DMD: variants seen among roughly 807,000 people sequenced by gnomAD.
The protein encoded by DMD is dystrophin.
DMD carries 63 observed loss-of-function variants against 330.1 expected under a neutral mutation model. That is an observed-to-expected ratio of 0.19 (90% CI 0.16 to 0.24). DMD has a LOEUF of 0.24. Among genes scored for constraint, DMD ranks in the 10% least tolerant of loss-of-function variants. DMD has a pLI of 1.00. For synonymous variants in DMD, 1,223 were observed against 959.8 expected (o/e 1.27, Z -5.07); for missense variants, 3,344 against 2,684.1 (o/e 1.25, Z -5.43).
At chrX:31,499,897 GA>G (rs1224371174) in intron 56 of DMD, among the ~76,000 whole-genome samples, 1 of 112,260 alleles carries the variant, frequency 8.9e-6, no homozygotes, top group African/African-American at 3.2e-5. Context: ...TACAGCAGCA[GA>G]AGACGGACCT....
Position 32,766,237 on chromosome X carries a change from T to C in DMD, c.649+43256A>G, listed in dbSNP as rs188160394. Among the ~76,000 whole-genome samples, 17 of 111,665 alleles carry C rather than the reference T, an allele frequency of 1.5e-4. No homozygotes were observed. The East Asian group carries it at 3.7e-3, about 24-fold the overall frequency. On this transcript the variant is annotated intron_variant, in intron 7 of 78. Coordinates refer to ENST00000357033, the MANE Select transcript of DMD (RefSeq NM_004006.3). ...TTGTCTATTTCTGCAGAAAAACTAATTGGGATTTTCTTAGAGATGGCACTG... is the reference window on the plus strand; with the variant it reads ...TTGTCTATTTCTGCAGAAAAACTAACTGGGATTTTCTTAGAGATGGCACTG...
chrX:32,539,172 CTT>C (rs71980872), intron 17 of DMD, among the ~76,000 whole-genome samples: 1,631 of 95,341 alleles, frequency 0.017, 13 homozygotes, highest in African/African-American at 0.039. Flanking sequence ...ATTTCTATTT[CTT>C]TTTTTTTTTT....
intron 1 of DMD, among the ~76,000 whole-genome samples, chrX:33,273,888 A>T (rs2053197004): frequency 8.9e-6 from 1 of 112,406 alleles, no homozygotes; most frequent in South Asian, 3.6e-4. Flanking sequence ...AAGCAATATA[A>T]TAAGAAATAT....
chrX:31,553,580 T>C (rs1293883201), intron 55 of DMD, among the ~76,000 whole-genome samples: 1 of 112,588 alleles, frequency 8.9e-6, no homozygotes. Context: ...CCTTGTTTGT[T>C]TTAAATATGT....
At chrX:31,151,491 C>G (rs2037410442) in intron 74 of DMD, among the ~76,000 whole-genome samples, 1 of 112,176 alleles carries the variant, frequency 8.9e-6, no homozygotes, top group South Asian at 3.7e-4. Flanking sequence ...CTAGAGAGAT[C>G]TTCCTTGGTA....
chrX:32,753,188 TAC>T (rs962660905), intron 7 of DMD, among the ~76,000 whole-genome samples: 1 of 111,664 alleles, frequency 9.0e-6, no homozygotes, highest in Non-Finnish European at 1.9e-5. Flanking sequence ...TTCCTCCAGA[TAC>T]AGATTCCCTG....
At chrX:32,478,106 G>T (rs1441159036) in intron 21 of DMD, among the ~76,000 whole-genome samples, 1 of 111,445 alleles carries the variant, frequency 9.0e-6, no homozygotes, top group Non-Finnish European at 1.9e-5. Context: ...TTAGATAGAA[G>T]CTGGAAAAGG....
chrX:31,863,748 C>T (rs919720365), intron 48 of DMD, among the ~76,000 whole-genome samples: 1 of 111,005 alleles, frequency 9.0e-6, no homozygotes, highest in Non-Finnish European at 1.9e-5. Flanking sequence ...ATACTTAGAG[C>T]CTTGTAGTCA....
At chrX:32,258,292 G>A (rs1220985814) in intron 43 of DMD, among the ~76,000 whole-genome samples, 1 of 111,703 alleles carries the variant, frequency 9.0e-6, no homozygotes, top group African/African-American at 3.3e-5. Flanking sequence ...AATACCATTT[G>A]ACCCAGCAAT....
intron 6 of DMD, among the ~76,000 whole-genome samples, chrX:32,815,720 A>G (rs1603436523): frequency 9.1e-6 from 1 of 109,586 alleles, no homozygotes; most frequent in African/African-American, 3.3e-5. Context: ...TTTTCATCTT[A>G]AGAAATATAA....
intron 47 of DMD, among the ~76,000 whole-genome samples, chrX:31,879,213 G>GGGC: frequency 2.1e-5 from 2 of 94,619 alleles, no homozygotes; most frequent in Admixed American, 2.2e-4. Context: ...ACATGGCGGG[G>GGGC]GGGGGCCTCA....
At chrX:32,035,003 A>G (rs1250384329) in intron 44 of DMD, among the ~76,000 whole-genome samples, 1 of 111,759 alleles carries the variant, frequency 8.9e-6, no homozygotes, top group Non-Finnish European at 1.9e-5. Flanking sequence ...TTCAACAACT[A>G]TTTACTGACT....
intron 1 of DMD, among the ~76,000 whole-genome samples, chrX:33,167,375 G>A (rs974440949): frequency 1.8e-5 from 2 of 110,723 alleles, no homozygotes; most frequent in African/African-American, 6.5e-5. Context: ...TGCACTAAAT[G>A]GTACTGCTTC....
chrX:31,557,616 G>A, intron 55 of DMD, among the ~76,000 whole-genome samples: 1 of 112,133 alleles, frequency 8.9e-6, no homozygotes, highest in Middle Eastern at 4.6e-3. Flanking sequence ...CACTTAGCAA[G>A]TGCTCAATTA....
rs3044986 is a variant in DMD at position 32,357,660 on chromosome X, TACACACACACACACAC to T, written c.5325+5112_5325+5127del. Among the ~76,000 whole-genome samples, 40 of 94,863 alleles carry T rather than the reference TACACACACACACACAC, an allele frequency of 4.2e-4. No homozygotes were observed. In the South Asian group the frequency reaches 0.014, roughly 34 times the overall value. The allele number at this position is 94,863 out of a possible 115,157, so 82.4% of individuals were successfully genotyped here. A position where few individuals can be genotyped will look rare whatever the true frequency, so the allele number is the denominator to read the frequency against. ...AATTTCTCAACAGTGCATACACAGA[TACACACACACACACAC>T]ACACACACACACACACACACACAGA... On this transcript the variant is annotated intron_variant, in intron 37 of 78. Coordinates refer to ENST00000357033, the MANE Select transcript of DMD (RefSeq NM_004006.3).
intron 1 of DMD, among the ~76,000 whole-genome samples, chrX:33,327,524 C>T (rs1466872588): frequency 1.8e-5 from 2 of 110,815 alleles, no homozygotes; most frequent in African/African-American, 3.3e-5. Flanking sequence ...ATAAGAGTTC[C>T]GTATTTAGAA....
chrX:33,002,840 T>C (rs1280383003), intron 2 of DMD, among the ~76,000 whole-genome samples: 1 of 74,011 alleles, frequency 1.4e-5, no homozygotes, highest in Non-Finnish European at 2.3e-5. Context: ...ATGTGTGATA[T>C]TTTTTTCTCG....
Position 31,771,840 on chromosome X carries a change from T to TG in DMD, c.7542+2119dup, listed in dbSNP as rs775298133. 3.2e-3 allele frequency among the ~76,000 whole-genome samples: 357 copies of TG among 111,575 alleles called. 1 individual carries two copies. Among genetic ancestry groups the TG allele is most frequent in the African/African-American group, 0.011 (339 of 30,673 alleles). ...TTGACCTATATTTAAAGACGATCTCTGTGAGGGGGCATCAAATCAGTAGTC... is the reference window on the plus strand; with the variant it reads ...TTGACCTATATTTAAAGACGATCTCTGGTGAGGGGGCATCAAATCAGTAGTC... On this transcript the variant is annotated intron_variant, in intron 51 of 78. Transcript: ENST00000357033.
intron 55 of DMD, among the ~76,000 whole-genome samples, chrX:31,550,772 G>A (rs1184545304): frequency 8.9e-6 from 1 of 112,011 alleles, no homozygotes; most frequent in Non-Finnish European, 1.9e-5. Context: ...AAGTAACAAT[G>A]CCTCTGTCTG....
Sources: gnomAD v4.1 joint callset for allele counts (sites outside exome capture counted in the v4.1 genomes callset) on GRCh38, gnomAD v4.1.1 for gene constraint, MANE v1.5 for transcripts, NCBI Gene and HGNC (gene_info 2026-07-23, HGNC 2026-07-21) for gene names.